Variants in ZCCHC7 observed in about 807,000 individuals in gnomAD.
ZCCHC7 encodes the protein zinc finger CCHC domain-containing protein 7.
ZCCHC7 carries 35 observed loss-of-function variants against 52.0 expected under a neutral mutation model. That is an observed-to-expected ratio of 0.67 (90% CI 0.51 to 0.89). ZCCHC7 has a LOEUF of 0.89. Ranked by LOEUF, ZCCHC7 falls within the 40% of genes least tolerant of loss-of-function variation. The pLI is 0.00. For synonymous variants in ZCCHC7, 217 were observed against 221.5 expected, an observed-to-expected ratio of 0.98 and a Z score of 0.18; for missense variants, 574 against 649.1, an observed-to-expected ratio of 0.88 and a Z score of 1.26.
At position 37,354,700 on chromosome 9, in the gene ZCCHC7, C is replaced by T. The variant is rs755697512; in HGVS notation, c.1084-10C>T. On this transcript the variant is annotated splice_polypyrimidine_tract_variant and intron_variant, in intron 7 of 8. Coordinates refer to ENST00000336755, the MANE Select transcript of ZCCHC7 (RefSeq NM_032226.3). This position sits in a 1 kb window ranked among gnomAD's most constrained non-coding sequence, Gnocchi z 4.0. ...CCATGTGACATCATAATTTTACATA[C>T]AATTTATAGGAATGTCCAGAAAGAG... 9 of 1,582,686 alleles carry T rather than the reference C, an allele frequency of 5.7e-6. No individual in the cohort carries two copies. Among genetic ancestry groups the T allele is most frequent in the Admixed American group, 3.4e-5 (2 of 59,192 alleles).
intron 2 of ZCCHC7, among the ~76,000 whole-genome samples, chr9:37,215,626 A>G (rs971482710): frequency 6.6e-6 from 1 of 152,196 alleles, no homozygotes; most frequent in African/African-American, 2.4e-5. Flanking sequence ...TTATGAGGCC[A>G]GTGGGAGCAG....
intron 6 of ZCCHC7, among the ~76,000 whole-genome samples, chr9:37,346,365 AAC>A: frequency 6.6e-6 from 1 of 152,128 alleles, no homozygotes; most frequent in African/African-American, 2.4e-5. Flanking sequence ...ACCTTTACAA[AAC>A]ACCTGTTTGC....
chr9:37,241,077 G>A (rs1387898957), intron 2 of ZCCHC7, among the ~76,000 whole-genome samples: 1 of 151,760 alleles, frequency 6.6e-6, no homozygotes, highest in African/African-American at 2.4e-5. Context: ...TCAAAGGATT[G>A]ATATACACAA....
chr9:37,219,623 A>T (rs1342488550), intron 2 of ZCCHC7, among the ~76,000 whole-genome samples: 1 of 152,256 alleles, frequency 6.6e-6, no homozygotes, highest in Non-Finnish European at 1.5e-5. Context: ...GGGATATAAA[A>T]ATAAATATTG....
intron 2 of ZCCHC7, among the ~76,000 whole-genome samples, chr9:37,163,265 A>G (rs1306565143): frequency 6.6e-6 from 1 of 151,686 alleles, no homozygotes; most frequent in African/African-American, 2.4e-5. Flanking sequence ...GCATGTGCCT[A>G]TAATCCCAGC....
intron 6 of ZCCHC7, among the ~76,000 whole-genome samples, chr9:37,336,745 C>T (rs986321260): frequency 6.6e-5 from 10 of 151,634 alleles, no homozygotes; most frequent in African/African-American, 2.2e-4. Context: ...TATAGTCTAG[C>T]CCAATAAACA....
intron 2 of ZCCHC7, among the ~76,000 whole-genome samples, chr9:37,161,468 G>A (rs957154750): frequency 1.3e-5 from 2 of 152,018 alleles, no homozygotes; most frequent in Admixed American, 6.6e-5. Context: ...CCAGCTACTC[G>A]GGAGGCTGAG....
chr9:37,299,319 A>G (rs1379911929), intron 2 of ZCCHC7, among the ~76,000 whole-genome samples: 1 of 152,200 alleles, frequency 6.6e-6, no homozygotes, highest in Non-Finnish European at 1.5e-5. Flanking sequence ...AAATTACACA[A>G]CGTGACAATG....
chr9:37,248,766 C>T (rs1019679861), intron 2 of ZCCHC7, among the ~76,000 whole-genome samples: 2 of 152,184 alleles, frequency 1.3e-5, no homozygotes, highest in Non-Finnish European at 2.9e-5. Flanking sequence ...TGAATACTTT[C>T]CTGATTTTAC....
intron 2 of ZCCHC7, among the ~76,000 whole-genome samples, chr9:37,250,835 G>T (rs537379511): frequency 1.3e-5 from 2 of 152,274 alleles, no homozygotes; most frequent in South Asian, 4.1e-4. Context: ...CTGATATCAG[G>T]GCAGGAAAGC....
At chr9:37,352,665 T>C (rs1036358179) in intron 7 of ZCCHC7, among the ~76,000 whole-genome samples, 4 of 150,906 alleles carry the variant, frequency 2.7e-5, no homozygotes. Flanking sequence ...TACAGGCATG[T>C]GCCACCACAC....
intron 6 of ZCCHC7, among the ~76,000 whole-genome samples, chr9:37,340,226 A>G (rs899490633): frequency 6.6e-5 from 10 of 152,162 alleles, no homozygotes; most frequent in Non-Finnish European, 1.5e-4. Flanking sequence ...TGGTAGGCTT[A>G]TGCTTTATCT....
At chr9:37,230,738 GAATT>G (rs1193904229) in intron 2 of ZCCHC7, among the ~76,000 whole-genome samples, 1 of 151,882 alleles carries the variant, frequency 6.6e-6, no homozygotes, top group African/African-American at 2.4e-5. Flanking sequence ...TGTGTATAAT[GAATT>G]AATTTTTTTA....
At chr9:37,235,830 C>T (rs1261660301) in intron 2 of ZCCHC7, among the ~76,000 whole-genome samples, 2 of 151,628 alleles carry the variant, frequency 1.3e-5, no homozygotes, top group East Asian at 3.9e-4. Context: ...CCTCGTGATC[C>T]ACCCACCTTG....
At chr9:37,285,199 A>C (rs1005449046) in intron 2 of ZCCHC7, among the ~76,000 whole-genome samples, 1 of 152,164 alleles carries the variant, frequency 6.6e-6, no homozygotes, top group Non-Finnish European at 1.5e-5. Context: ...GTTGGTTTCT[A>C]TGGAAAAATT....
At chr9:37,303,574 T>G (rs1443141675) in intron 3 of ZCCHC7, among the ~76,000 whole-genome samples, 1 of 144,210 alleles carries the variant, frequency 6.9e-6, no homozygotes, top group African/African-American at 2.5e-5. Context: ...TGGAGAAGTA[T>G]AAAAGACTCA....
At chr9:37,152,277 A>G (rs189911067) in intron 2 of ZCCHC7, among the ~76,000 whole-genome samples, 6 of 152,100 alleles carry the variant, frequency 3.9e-5, no homozygotes, top group Non-Finnish European at 8.8e-5. Context: ...TGGTTTACAG[A>G]AAAATTGCAA....
chr9:37,188,978 C>A (rs1229268990), intron 2 of ZCCHC7, among the ~76,000 whole-genome samples: 1 of 39,732 alleles, frequency 2.5e-5, no homozygotes, highest in African/African-American at 1.2e-4. Context: ...CCCCTCTCCC[C>A]ACTCCTTCCT....
intron 2 of ZCCHC7, among the ~76,000 whole-genome samples, chr9:37,138,710 T>G (rs1182115966): frequency 6.6e-6 from 1 of 151,714 alleles, no homozygotes; most frequent in Non-Finnish European, 1.5e-5. Flanking sequence ...TTTTTTTTTT[T>G]TTTTTTTAGA....
Sources: gnomAD v4.1 joint callset for allele counts (sites outside exome capture counted in the v4.1 genomes callset) on GRCh38, gnomAD v4.1.1 for gene constraint, Gnocchi (gnomAD v3.1) non-coding constraint, MANE v1.5 for transcripts, NCBI Gene and HGNC (gene_info 2026-07-23, HGNC 2026-07-21) for gene names.